ARHGAP42: variants seen among roughly 807,000 people sequenced by gnomAD.
ARHGAP42 encodes rho GTPase-activating protein 42.
A neutral mutation model predicts 125.0 loss-of-function variants in ARHGAP42; 63 were observed. That is an observed-to-expected ratio of 0.50 (90% CI 0.41 to 0.62). The LOEUF (loss-of-function observed/expected upper bound fraction) is 0.62, where lower values mean the gene tolerates loss of function less well. ARHGAP42 is among the 20% of genes least tolerant of loss of function. The pLI is 0.00. For synonymous variants in ARHGAP42, 339 were observed against 351.0 expected (o/e 0.97, Z 0.38); for missense variants, 766 against 1,024.2 (o/e 0.75, Z 3.44).
chr11:100,838,019 T>C (rs1352984086), intron 3 of ARHGAP42, among the ~76,000 whole-genome samples: 1 of 148,114 alleles, frequency 6.8e-6, no homozygotes, highest in Non-Finnish European at 1.5e-5. Context: ...CTAAAAATAA[T>C]TGAGCCCCAT....
intron 17 of ARHGAP42, among the ~76,000 whole-genome samples, chr11:100,972,070 C>T (rs537493941): frequency 2.4e-4 from 36 of 152,278 alleles, no homozygotes; most frequent in African/African-American, 4.6e-4. Flanking sequence ...GTGCTCTCTA[C>T]GGCATAAGGA....
At chr11:100,740,115 T>C (rs1355870756) in intron 1 of ARHGAP42, among the ~76,000 whole-genome samples, 1 of 152,066 alleles carries the variant, frequency 6.6e-6, no homozygotes, top group Non-Finnish European at 1.5e-5. Context: ...TGCCTGTGTA[T>C]GTTCATCCTT....
intron 22 of ARHGAP42, among the ~76,000 whole-genome samples, chr11:100,985,809 T>C (rs1858663982): frequency 1.3e-5 from 2 of 152,216 alleles, no homozygotes; most frequent in Admixed American, 6.5e-5. Flanking sequence ...TCAGATAGTC[T>C]TTGGGAACCC....
intron 3 of ARHGAP42, among the ~76,000 whole-genome samples, chr11:100,834,994 T>C (rs1005663865): frequency 6.6e-6 from 1 of 152,088 alleles, no homozygotes; most frequent in Non-Finnish European, 1.5e-5. Flanking sequence ...ATTCACCCTG[T>C]TTCATAAGTA....
intron 3 of ARHGAP42, among the ~76,000 whole-genome samples, chr11:100,805,834 T>A (rs1271109988): frequency 6.6e-6 from 1 of 152,174 alleles, no homozygotes; most frequent in African/African-American, 2.4e-5. Flanking sequence ...AATTAATGTA[T>A]AATGAACAAT....
chr11:100,755,432 C>A (rs1183737004), intron 1 of ARHGAP42, among the ~76,000 whole-genome samples: 1 of 152,236 alleles, frequency 6.6e-6, no homozygotes, highest in Non-Finnish European at 1.5e-5. Context: ...TACACAATTT[C>A]ATTTCTCAGA....
intron 6 of ARHGAP42, among the ~76,000 whole-genome samples, chr11:100,929,083 C>T (rs183087818): frequency 1.3e-5 from 2 of 152,180 alleles, no homozygotes; most frequent in African/African-American, 4.8e-5. Context: ...CTTTTTGGCA[C>T]CAGAGACCAG....
Position 100,895,111 on chromosome 11 carries a change from G to A in ARHGAP42, c.385-18341G>A, listed in dbSNP as rs138513988. Among the ~76,000 whole-genome samples the A allele has an allele frequency of 5.9e-3, 901 of 152,348 alleles. 5 individuals are homozygous for A. Among genetic ancestry groups the A allele is most frequent in the African/African-American group, 0.021 (861 of 41,580 alleles). On this transcript the variant is annotated intron_variant, in intron 4 of 23. Transcript: ENST00000298815. ...TTTCATCGTGCTTTCTTACATGATA[G>A]AGAGGAGGCCAAGGCCCTAGAGTGG...
At chr11:100,935,811 A>G (rs910813541) in intron 7 of ARHGAP42, among the ~76,000 whole-genome samples, 1 of 152,160 alleles carries the variant, frequency 6.6e-6, no homozygotes, top group African/African-American at 2.4e-5. Flanking sequence ...TGCCAGAAGA[A>G]TCAAGGTCAT....
At chr11:100,834,360 T>C (rs75149195) in intron 3 of ARHGAP42, among the ~76,000 whole-genome samples, 301 of 152,270 alleles carry the variant, frequency 2.0e-3, no homozygotes, top group African/African-American at 6.8e-3. Context: ...TTTATATGGA[T>C]CAAAACTTAG....
At chr11:100,777,224 G>A (rs1565209554) in intron 2 of ARHGAP42, among the ~76,000 whole-genome samples, 1 of 152,132 alleles carries the variant, frequency 6.6e-6, no homozygotes, top group Non-Finnish European at 1.5e-5. Flanking sequence ...CAAGTCACAG[G>A]GGCTTTACTA....
At chr11:100,812,844 T>A (rs967766741) in intron 3 of ARHGAP42, among the ~76,000 whole-genome samples, 1 of 152,186 alleles carries the variant, frequency 6.6e-6, no homozygotes, top group African/African-American at 2.4e-5. Flanking sequence ...TCTTTAGGCC[T>A]TGTAAGGAAT....
At chr11:100,754,946 A>T (rs1264637767) in intron 1 of ARHGAP42, among the ~76,000 whole-genome samples, 1 of 152,192 alleles carries the variant, frequency 6.6e-6, no homozygotes, top group African/African-American at 2.4e-5. Flanking sequence ...GAAGACCACT[A>T]TTGGAGGACT....
At chr11:100,716,172 CTT>C (rs1861657482) in intron 1 of ARHGAP42, among the ~76,000 whole-genome samples, 1 of 152,158 alleles carries the variant, frequency 6.6e-6, no homozygotes, top group African/African-American at 2.4e-5. Context: ...TTCATGGGGA[CTT>C]TTGCCTATCC....
rs1392889292 is a variant in ARHGAP42 at position 100,924,911 on chromosome 11, TC to T, written c.597+3309del. Among the ~76,000 whole-genome samples, 6 of 152,106 alleles carry T rather than the reference TC, an allele frequency of 3.9e-5. No individual in the cohort carries two copies. In the East Asian group the frequency reaches 1.2e-3, roughly 29 times the overall value. ...GGCATAATCTCAGCTCACTGCAACC[TC>T]CACCTGCCAGGTTTAAGTGATTCTC... On this transcript the variant is annotated intron_variant, in intron 6 of 23. Transcript: ENST00000298815.
At chr11:100,898,755 G>T (rs1866432779) in intron 4 of ARHGAP42, among the ~76,000 whole-genome samples, 1 of 152,030 alleles carries the variant, frequency 6.6e-6, no homozygotes, top group African/African-American at 2.4e-5. Flanking sequence ...AGTCTTGCTA[G>T]TGGTCTATCA....
At chr11:100,930,594 G>A (rs1288065420) in intron 6 of ARHGAP42, among the ~76,000 whole-genome samples, 1 of 152,140 alleles carries the variant, frequency 6.6e-6, no homozygotes, top group Non-Finnish European at 1.5e-5. Context: ...AGCTGCCAAT[G>A]GGTTTATTTT....
intron 8 of ARHGAP42, among the ~76,000 whole-genome samples, chr11:100,936,547 C>G (rs1344489577): frequency 1.3e-5 from 2 of 152,166 alleles, no homozygotes; most frequent in South Asian, 2.1e-4. Context: ...GACTTACAGT[C>G]TTCACTCATA....
Position 100,913,495 on chromosome 11 carries a change from C to G in ARHGAP42, c.428C>G (p.Ser143Cys), listed in dbSNP as rs543217961. 1.1e-5 allele frequency: 14 copies of G among 1,298,060 alleles called. No homozygotes were observed. The highest frequency in any genetic ancestry group is 5.6e-5 in the East Asian group (1 of 17,752). The allele number at this position is 1,298,060 out of a possible 1,614,324, so 80.4% of individuals were successfully genotyped here. A position where few individuals can be genotyped will look rare whatever the true frequency, so the allele number is the denominator to read the frequency against. The change falls in exon 5 of 24, where the codon TCT (serine) becomes TGT (cysteine). Residue 143 changes from serine to cysteine, a missense_variant. Ser to Cys is a moderately radical substitution (Grantham distance 112). Transcript: ENST00000298815. ...KFDKESEKYY[S>C]ILEKHLNLSA... ...GACAAAGAGAGTGAAAAATATTACTCTATCCTTGAAAAGCATTTAAATTTG... is the reference window on the plus strand; with the variant it reads ...GACAAAGAGAGTGAAAAATATTACTGTATCCTTGAAAAGCATTTAAATTTG...
Sources: gnomAD v4.1 joint callset for allele counts (sites outside exome capture counted in the v4.1 genomes callset) on GRCh38, gnomAD v4.1.1 for gene constraint, MANE v1.5 for transcripts, NCBI Gene and HGNC (gene_info 2026-07-23, HGNC 2026-07-21) for gene names.